PDE8A: variants seen among roughly 807,000 people sequenced by gnomAD.
The protein encoded by PDE8A is high affinity cAMP-specific and IBMX-insensitive 3',5'-cyclic phosphodiesterase 8A.
Under a neutral mutation model 105.0 loss-of-function variants are expected in PDE8A, and 59 were observed. The observed-to-expected ratio is 0.56, with a 90% CI of 0.46 to 0.70. The LOEUF (loss-of-function observed/expected upper bound fraction) is 0.70. Among genes scored for constraint, PDE8A ranks in the 30% least tolerant of loss-of-function variants. PDE8A has a pLI of 0.00. For synonymous variants in PDE8A, 355 were observed against 371.9 expected, an observed-to-expected ratio of 0.95 and a Z score of 0.52; for missense variants, 1,014 against 1,045.9, an observed-to-expected ratio of 0.97 and a Z score of 0.42.
intron 1 of PDE8A, among the ~76,000 whole-genome samples, chr15:84,996,959 A>G (rs533864537): frequency 6.6e-6 from 1 of 151,792 alleles, no homozygotes; most frequent in Admixed American, 6.6e-5. Context: ...CTACGATATT[A>G]CTGTGTACTA....
At chr15:85,110,359 A>G (rs912930743) in intron 12 of PDE8A, among the ~76,000 whole-genome samples, 4 of 152,324 alleles carry the variant, frequency 2.6e-5, no homozygotes, top group Non-Finnish European at 4.4e-5. Flanking sequence ...TTTATATACA[A>G]TGAAATTCAC....
intron 20 of PDE8A, among the ~76,000 whole-genome samples, chr15:85,128,437 C>T (rs756244743): frequency 1.3e-5 from 2 of 152,076 alleles, no homozygotes; most frequent in African/African-American, 4.8e-5. Flanking sequence ...GTTGAGGCTG[C>T]AGTGAGCCAT....
intron 6 of PDE8A, among the ~76,000 whole-genome samples, chr15:85,084,866 C>G (rs946708719): frequency 3.9e-5 from 6 of 152,180 alleles, no homozygotes; most frequent in Admixed American, 1.3e-4. Flanking sequence ...CCTGTCTCTT[C>G]TACATACGTC....
intron 13 of PDE8A, 42 bp from the exon 14 acceptor site, chr15:85,113,831 T>A: frequency 3.3e-6 from 5 of 1,512,420 alleles, no homozygotes; most frequent in Non-Finnish European, 4.6e-6. Context: ...TCCCACTGTT[T>A]TTAAGGTTAT....
intron 18 of PDE8A, among the ~76,000 whole-genome samples, chr15:85,122,295 G>C (rs917965903): frequency 1.3e-5 from 2 of 152,242 alleles, no homozygotes; most frequent in East Asian, 1.9e-4. Flanking sequence ...ACAGTGCTTG[G>C]TACATACTAG....
chr15:85,082,588 C>T (rs1027598105), intron 5 of PDE8A, among the ~76,000 whole-genome samples: 2 of 152,036 alleles, frequency 1.3e-5, no homozygotes, highest in Non-Finnish European at 2.9e-5. Flanking sequence ...TTGCGTTCAC[C>T]GTGGTAGTAG....
chr15:85,062,532 A>G (rs1435495867), intron 1 of PDE8A: 1 of 152,266 alleles, frequency 6.6e-6, no homozygotes, highest in Non-Finnish European at 1.5e-5. Flanking sequence ...ATGGCTTGCA[A>G]CAATGGGAGA....
chr15:85,084,726 T>G (rs1338378805), intron 6 of PDE8A, among the ~76,000 whole-genome samples: 1 of 152,226 alleles, frequency 6.6e-6, no homozygotes, highest in African/African-American at 2.4e-5. Flanking sequence ...AAAATAGTGC[T>G]TTAAACTGAA....
intron 1 of PDE8A, among the ~76,000 whole-genome samples, chr15:85,019,112 C>T (rs898266446): frequency 5.3e-5 from 8 of 152,216 alleles, no homozygotes; most frequent in African/African-American, 1.9e-4. Flanking sequence ...AAGGGCAGTT[C>T]ACTATTGTGA....
At chr15:85,083,762 A>C in intron 6 of PDE8A, 118 bp downstream of exon 6, 1 of 677,940 alleles carries the variant, frequency 1.5e-6, no homozygotes, top group Non-Finnish European at 2.7e-6. Flanking sequence ...ATTGGAGAGA[A>C]TGGAGTGGCA....
At chr15:84,987,263 C>A (rs935661226) in intron 1 of PDE8A, among the ~76,000 whole-genome samples, 2 of 152,062 alleles carry the variant, frequency 1.3e-5, no homozygotes, top group African/African-American at 4.8e-5. Context: ...ACTGTCATTG[C>A]CACCATAACT....
rs138481352 is a variant in PDE8A at position 84,994,014 on chromosome 15, C to T, written c.186+11666C>T. 8.5e-5 allele frequency among the ~76,000 whole-genome samples: 13 copies of T among 152,278 alleles called. No homozygotes were observed. The East Asian group carries it at 2.5e-3, about 29-fold the overall frequency. On this transcript the variant is annotated intron_variant, in intron 1 of 21. Transcript: ENST00000394553. ...TCATTTTCTCTTCTGCAGCTCCCTC[C>T]AAAAGATAGATTGAGACGCATCTTG...
At chr15:85,039,820 A>G (rs1052194382) in intron 1 of PDE8A, among the ~76,000 whole-genome samples, 1 of 152,260 alleles carries the variant, frequency 6.6e-6, no homozygotes, top group Non-Finnish European at 1.5e-5. Context: ...ACTTTCTGCT[A>G]AGTCAAATAA....
At chr15:85,057,534 G>T (rs2081081211) in intron 1 of PDE8A, among the ~76,000 whole-genome samples, 1 of 152,122 alleles carries the variant, frequency 6.6e-6, no homozygotes, top group African/African-American at 2.4e-5. Context: ...TCCATGGGCT[G>T]CACTTACTGT....
chr15:85,018,308 C>T (rs1051721534), intron 1 of PDE8A, among the ~76,000 whole-genome samples: 2 of 152,132 alleles, frequency 1.3e-5, no homozygotes, highest in South Asian at 4.1e-4. Context: ...GAGTCTATGC[C>T]AGATGTAAGT....
chr15:85,101,257 G>A (rs1473650089), intron 11 of PDE8A, among the ~76,000 whole-genome samples: 1 of 152,186 alleles, frequency 6.6e-6, no homozygotes. Flanking sequence ...CAGAGATTTA[G>A]TCTGAAAAGA....
chr15:85,021,452 T>TA (rs1479257688), intron 1 of PDE8A, among the ~76,000 whole-genome samples: 3 of 151,586 alleles, frequency 2.0e-5, no homozygotes, highest in Non-Finnish European at 4.4e-5. Context: ...GGGGTGGTGG[T>TA]AGTGCAGAGG....
In PDE8A at chr15:85,014,272, G is replaced by A. The variant is rs147751064; in HGVS notation, c.186+31924G>A. 4.0e-4 allele frequency among the ~76,000 whole-genome samples: 61 copies of A among 152,138 alleles called. 1 individual carries two copies. In the East Asian group the frequency reaches 8.1e-3, roughly 20 times the overall value. ...AGCTATTCTCCTGCTTCAGCCTCCC[G>A]AGGAGTTGGAAGTACAGGTGCGGGC... On this transcript the variant is annotated intron_variant, in intron 1 of 21. Transcript: ENST00000394553.
At chr15:85,078,348 C>T (rs751330381) in intron 5 of PDE8A, among the ~76,000 whole-genome samples, 1 of 151,728 alleles carries the variant, frequency 6.6e-6, no homozygotes, top group Non-Finnish European at 1.5e-5. Context: ...GAGATTGAGA[C>T]CATCCTGGCC....
Sources: gnomAD v4.1 joint callset for allele counts (sites outside exome capture counted in the v4.1 genomes callset) on GRCh38, gnomAD v4.1.1 for gene constraint, MANE v1.5 for transcripts, NCBI Gene and HGNC (gene_info 2026-07-23, HGNC 2026-07-21) for gene names.